TXNDC16: variants seen among roughly 807,000 people sequenced by gnomAD.
TXNDC16 encodes the protein thioredoxin domain-containing protein 16.
A neutral mutation model predicts 85.6 loss-of-function variants in TXNDC16; 74 were observed. That is an observed-to-expected ratio of 0.86 (90% CI 0.72 to 1.05). The LOEUF (loss-of-function observed/expected upper bound fraction) is 1.05. TXNDC16 is among the 50% of genes least tolerant of loss of function. The pLI, the probability that TXNDC16 is intolerant of heterozygous loss-of-function variation, is 0.00. For synonymous variants in TXNDC16, 335 were observed against 326.5 expected (o/e 1.03, Z -0.28); for missense variants, 959 against 947.0 (o/e 1.01, Z -0.17).
Position 52,482,262 on chromosome 14 carries a change from T to C in TXNDC16, c.1280A>G (p.Gln427Arg), listed in dbSNP as rs565908826. 6.2e-7 allele frequency: 1 copy of C among 1,612,038 alleles called. No homozygotes were observed. Among genetic ancestry groups the C allele is most frequent in the African/African-American group, 1.3e-5 (1 of 74,874 alleles). Residue 427 changes from glutamine (Q) to arginine (R), a missense_variant, in exon 14 of 21, where the codon CAA becomes CGA. By Grantham distance (43) the Gln-to-Arg change is conservative. Transcript: ENST00000281741. ...TTTAACTGCCACATCAATATAGGAT[T>C]GCAAAAATGCCATGGATACTGCTTG... ...GWQAVSMAFL[Q>R]SYIDVAVKLK...
intron 14 of TXNDC16, among the ~76,000 whole-genome samples, chr14:52,471,584 A>G (rs2035909262): frequency 6.6e-6 from 1 of 152,130 alleles, no homozygotes; most frequent in Non-Finnish European, 1.5e-5. Context: ...GTAATTATAT[A>G]CTATTCATTA....
chr14:52,525,727 A>G (rs1489536667), intron 6 of TXNDC16, among the ~76,000 whole-genome samples: 4 of 141,304 alleles, frequency 2.8e-5, no homozygotes, highest in African/African-American at 1.0e-4. Context: ...TAATAATAAT[A>G]ATAATAATAA....
intron 8 of TXNDC16, among the ~76,000 whole-genome samples, chr14:52,513,529 G>A (rs987197538): frequency 1.3e-5 from 2 of 151,696 alleles, no homozygotes; most frequent in African/African-American, 4.8e-5. Context: ...AAAAGCAAAC[G>A]AAAAACAGGA....
intron 6 of TXNDC16, among the ~76,000 whole-genome samples, chr14:52,531,472 T>A (rs1003607564): frequency 1.3e-5 from 2 of 152,160 alleles, no homozygotes; most frequent in Non-Finnish European, 2.9e-5. Context: ...AGTGGAATAT[T>A]ATTCAGTGAT....
rs146497765 is a variant in TXNDC16, at chr14:52,486,021, T to C, written c.1108+2342A>G. ...TGCACTATATAACTTAAAGGTACTT[T>C]TAAGCACCAAATTCCATGACACTAA... On this transcript the variant is annotated intron_variant, in intron 12 of 20. Coordinates refer to ENST00000281741, the MANE Select transcript of TXNDC16 (RefSeq NM_020784.3). 3.0e-3 allele frequency among the ~76,000 whole-genome samples: 455 copies of C among 152,282 alleles called. 2 individuals carry two copies. Among genetic ancestry groups the C allele is most frequent in the African/African-American group, 0.01 (429 of 41,564 alleles).
At chr14:52,436,415 T>C (rs1300104187) in intron 20 of TXNDC16, among the ~76,000 whole-genome samples, 1 of 152,080 alleles carries the variant, frequency 6.6e-6, no homozygotes, top group Admixed American at 6.5e-5. Flanking sequence ...AAAGGGTGGA[T>C]AGAGGAGAAA....
At chr14:52,435,176 A>T (rs2140097647) in intron 20 of TXNDC16, among the ~76,000 whole-genome samples, 1 of 151,966 alleles carries the variant, frequency 6.6e-6, no homozygotes, top group South Asian at 2.1e-4. Context: ...GGAAACCAAG[A>T]ATGACTTGCC....
In TXNDC16 at chr14:52,542,695, TAATA is replaced by T. The variant is rs1458287273; in HGVS notation, c.161-246_161-243del. On this transcript the variant is annotated intron_variant, in intron 3 of 20. Transcript: ENST00000281741. ...TTAAAAACTTCCTAAAACAACAATA[TAATA>T]AATGTTTCGTTTAAACCTAACATTT... Among the ~76,000 whole-genome samples the T allele has an allele frequency of 3.3e-5, 5 of 152,282 alleles. No individual in the cohort carries two copies. The East Asian group carries it at 9.6e-4, about 29-fold the overall frequency.
intron 12 of TXNDC16, among the ~76,000 whole-genome samples, 180 bp downstream of exon 12, chr14:52,488,183 T>A (rs2036313444): frequency 6.6e-6 from 1 of 152,234 alleles, no homozygotes; most frequent in Non-Finnish European, 1.5e-5. Flanking sequence ...AAATATAGCA[T>A]CCTTACATCT....
chr14:52,481,733 A>C (rs1008736041), intron 14 of TXNDC16, among the ~76,000 whole-genome samples: 11 of 152,128 alleles, frequency 7.2e-5, no homozygotes, highest in Non-Finnish European at 1.5e-4. Context: ...TTATTTGCCC[A>C]CTATTAAATG....
chr14:52,482,687 T>A, intron 13 of TXNDC16, 135 bp downstream of exon 13: 1 of 650,722 alleles, frequency 1.5e-6, no homozygotes, highest in East Asian at 3.0e-5. Context: ...AAGTAAATGC[T>A]TCAATGCACA....
At chr14:52,442,237 G>A (rs1039122936) in intron 18 of TXNDC16, among the ~76,000 whole-genome samples, 22 of 152,076 alleles carry the variant, frequency 1.4e-4, no homozygotes, top group Non-Finnish European at 2.6e-4. Context: ...TCAGTTCCAC[G>A]TCCATTATTT....
At chr14:52,527,032 C>T (rs867682869) in intron 6 of TXNDC16, among the ~76,000 whole-genome samples, 3 of 152,194 alleles carry the variant, frequency 2.0e-5, no homozygotes, top group African/African-American at 7.2e-5. Context: ...TTCCATGTGC[C>T]CTGCCCCATG....
Position 52,493,214 on chromosome 14 carries a change from TATAC to T in TXNDC16, c.757-2213_757-2210del, listed in dbSNP as rs1288027712. The stretch of plus-strand genomic sequence containing the variant: ...TGTTCTATATATATATATATATATA[TATAC>T]ACACACACACACACACATATTTAAA... On this transcript the variant is annotated intron_variant, in intron 9 of 20. Coordinates refer to ENST00000281741, the MANE Select transcript of TXNDC16 (RefSeq NM_020784.3). 7.9e-5 allele frequency among the ~76,000 whole-genome samples: 9 copies of T among 114,622 alleles called. No homozygotes were observed. In the South Asian group the frequency reaches 1.8e-3, roughly 23 times the overall value. 75.2% of individuals were successfully genotyped at this position (114,622 alleles called of 152,430 possible). A position where few individuals can be genotyped will look rare whatever the true frequency, so the allele number is the denominator to read the frequency against.
chr14:52,551,754 TTC>T (rs1261361359), intron 1 of TXNDC16, among the ~76,000 whole-genome samples: 2 of 151,348 alleles, frequency 1.3e-5, no homozygotes, highest in African/African-American at 4.9e-5. Flanking sequence ...AGCATGTATT[TTC>T]TCTCTCAGGC....
intron 6 of TXNDC16, among the ~76,000 whole-genome samples, chr14:52,532,982 C>T (rs550117688): frequency 6.6e-6 from 1 of 152,138 alleles, no homozygotes; most frequent in South Asian, 2.1e-4. Context: ...AAGTCATTTT[C>T]TCACATTTTA....
rs758845898 is a variant in TXNDC16, at chr14:52,455,480, A to AC, written c.1704-19_1704-18insG. 1.9e-6 allele frequency: 3 copies of AC among 1,612,850 alleles called. No homozygotes were observed. In the South Asian group the frequency reaches 3.3e-5, roughly 18 times the overall value. On this transcript the variant is annotated intron_variant, in intron 17 of 20. Transcript: ENST00000281741. ...TGGTTGACCTATGGAGAAAGGCAGT[A>AC]TTAAAATTCACGATCAAAATCTAGC...
At chr14:52,488,285 A>G in intron 12 of TXNDC16, 78 bp downstream of exon 12, 1 of 1,545,886 alleles carries the variant, frequency 6.5e-7, no homozygotes, top group South Asian at 1.2e-5. Flanking sequence ...TCTTGGAGAA[A>G]GTTAATCCAT....
intron 9 of TXNDC16, among the ~76,000 whole-genome samples, chr14:52,498,770 G>A (rs2036589721): frequency 6.6e-6 from 1 of 151,986 alleles, no homozygotes; most frequent in African/African-American, 2.4e-5. Flanking sequence ...CAGATTCAAT[G>A]CAATCCCTAT....
Sources: allele counts gnomAD v4.1 joint callset (sites outside exome capture counted in the v4.1 genomes callset), GRCh38; gene constraint gnomAD v4.1.1; transcripts MANE v1.5; gene names NCBI Gene and HGNC (gene_info 2026-07-23, HGNC 2026-07-21).